Variants in CLOCK observed in about 807,000 individuals in gnomAD.
CLOCK encodes the protein clock circadian regulator.
A neutral mutation model predicts 118.4 loss-of-function variants in CLOCK; 43 were observed. The ratio of observed to expected loss-of-function variants is 0.36; its 90% CI spans 0.28 to 0.47. CLOCK has a LOEUF of 0.47. Among genes scored for constraint, CLOCK ranks in the 20% least tolerant of loss-of-function variants. CLOCK has a pLI of 1.00. For missense variants in CLOCK, 846 were observed against 999.9 expected (o/e 0.85, Z 2.08); for synonymous variants, 326 against 339.2 (o/e 0.96, Z 0.43).
chr4:55,533,811 G>A (rs1730708782), intron 1 of CLOCK, among the ~76,000 whole-genome samples: 1 of 152,160 alleles, frequency 6.6e-6, no homozygotes, highest in African/African-American at 2.4e-5. Flanking sequence ...GCTGAGGCAG[G>A]AGAACAGCTT....
At chr4:55,469,129 AT>A (rs35057645) in intron 8 of CLOCK, among the ~76,000 whole-genome samples, 45,069 of 147,222 alleles carry the variant, frequency 0.31, 7,091 homozygotes, top group East Asian at 0.58. Context: ...CTCTATTTAC[AT>A]TTTTTTTTTT....
intron 7 of CLOCK, among the ~76,000 whole-genome samples, chr4:55,471,666 AT>A (rs1362022903): frequency 6.6e-6 from 1 of 152,216 alleles, no homozygotes; most frequent in East Asian, 1.9e-4. Context: ...ATGTATTTTC[AT>A]TTGAGAATCC....
intron 3 of CLOCK, among the ~76,000 whole-genome samples, chr4:55,485,455 C>T (rs1013094002): frequency 6.6e-6 from 1 of 152,142 alleles, no homozygotes; most frequent in Non-Finnish European, 1.5e-5. Flanking sequence ...TAAGGTGGAA[C>T]AGCCAAAATA....
chr4:55,454,987 T>C (rs1414719354), intron 13 of CLOCK, among the ~76,000 whole-genome samples: 1 of 152,144 alleles, frequency 6.6e-6, no homozygotes, highest in African/African-American at 2.4e-5. Flanking sequence ...TGGTGCTTAA[T>C]GCCCACATCT....
Position 55,456,311 on chromosome 4 carries a change from ATAAT to A in CLOCK, c.793-15_793-12del, listed in dbSNP as rs1724921015. On this transcript the variant is annotated splice_polypyrimidine_tract_variant and intron_variant, in intron 11 of 22. Transcript: ENST00000513440. Reference sequence around the variant, plus strand: ...AACAGTGCACATTTCCTACAAATAAATAATTAAAATTTATAAATACTTTGTGTCC... The same window carrying A: ...AACAGTGCACATTTCCTACAAATAAATAAAATTTATAAATACTTTGTGTCC... 6.8e-7 allele frequency: 1 copy of A among 1,474,220 alleles called. No individual in the cohort carries two copies. The highest frequency in any genetic ancestry group is 2.4e-5 in the East Asian group (1 of 41,098). 91.3% of individuals were successfully genotyped at this position (1,474,220 alleles called of 1,614,324 possible).
intron 8 of CLOCK, among the ~76,000 whole-genome samples, chr4:55,466,540 A>G (rs149075199): frequency 4.6e-5 from 7 of 152,312 alleles, no homozygotes; most frequent in African/African-American, 1.7e-4. Flanking sequence ...TGTTACTAAC[A>G]ATTTCTTCTA....
intron 8 of CLOCK, among the ~76,000 whole-genome samples, chr4:55,464,649 C>T (rs1349344596): frequency 1.3e-5 from 2 of 152,166 alleles, no homozygotes; most frequent in African/African-American, 4.8e-5. Context: ...GGTCCTGCCC[C>T]TGCATTAAAC....
intron 1 of CLOCK, among the ~76,000 whole-genome samples, chr4:55,515,917 G>A (rs922839455): frequency 6.6e-6 from 1 of 152,080 alleles, no homozygotes; most frequent in Non-Finnish European, 1.5e-5. Context: ...ATACATCAGT[G>A]TAGTGTGGCA....
intron 3 of CLOCK, among the ~76,000 whole-genome samples, chr4:55,488,334 A>G (rs892246387): frequency 3.3e-5 from 5 of 152,184 alleles, no homozygotes; most frequent in Non-Finnish European, 7.3e-5. Flanking sequence ...CTACATGCCA[A>G]TGACTCCCAA....
chr4:55,463,928 G>T, intron 8 of CLOCK, 123 bp from the exon 9 acceptor site: 1 of 988,188 alleles, frequency 1.0e-6, no homozygotes, highest in Non-Finnish European at 1.5e-6. Context: ...ACCAACAAAT[G>T]TCAAGTTATA....
At chr4:55,466,693 C>CA (rs1725760099) in intron 8 of CLOCK, among the ~76,000 whole-genome samples, 1 of 152,160 alleles carries the variant, frequency 6.6e-6, no homozygotes, top group Admixed American at 6.5e-5. Context: ...CCTGCCCCAA[C>CA]AATTCTGCCT....
chr4:55,460,598 C>T (rs536896005), intron 9 of CLOCK, among the ~76,000 whole-genome samples: 2 of 152,160 alleles, frequency 1.3e-5, no homozygotes, highest in Non-Finnish European at 2.9e-5. Context: ...TTGCAAATTA[C>T]CTTGCATCTA....
At chr4:55,493,707 G>C (rs572593579) in intron 2 of CLOCK, among the ~76,000 whole-genome samples, 1 of 152,114 alleles carries the variant, frequency 6.6e-6, no homozygotes, top group Non-Finnish European at 1.5e-5. Flanking sequence ...CTCTACAACC[G>C]ATATAAGATA....
Position 55,431,533 on chromosome 4 carries a change from T to G in CLOCK, c.*3882A>C, listed in dbSNP as rs963499408. 1 of 152,122 alleles carries G rather than the reference T, an allele frequency of 6.6e-6. No individual in the cohort carries two copies. Among genetic ancestry groups the G allele is most frequent in the Admixed American group, 6.5e-5 (1 of 15,274 alleles). The allele number at this position is 152,122 out of a possible 1,614,324, so 9.4% of individuals were successfully genotyped here. A position where few individuals can be genotyped will look rare whatever the true frequency, so the allele number is the denominator to read the frequency against. On this transcript the variant is annotated 3_prime_UTR_variant, in exon 23 of 23. Coordinates refer to ENST00000513440, the MANE Select transcript of CLOCK (RefSeq NM_004898.4). ...TGTTTCTTCTCTACCATTCAAAAAT[T>G]CCAATCAGCTTGTCCTGGCTAGAAA...
intron 1 of CLOCK, among the ~76,000 whole-genome samples, chr4:55,517,451 A>C (rs1170903786): frequency 6.6e-6 from 1 of 152,090 alleles, no homozygotes; most frequent in Non-Finnish European, 1.5e-5. Context: ...CAGAGGTTGC[A>C]GTGAGCCGAG....
intron 22 of CLOCK, among the ~76,000 whole-genome samples, chr4:55,437,645 G>A (rs890820962): frequency 6.6e-6 from 1 of 152,106 alleles, no homozygotes; most frequent in Non-Finnish European, 1.5e-5. Flanking sequence ...AATCCATGAG[G>A]TATCAATTAT....
At chr4:55,476,942 C>T (rs951864502) in intron 6 of CLOCK, among the ~76,000 whole-genome samples, 1 of 152,066 alleles carries the variant, frequency 6.6e-6, no homozygotes, top group African/African-American at 2.4e-5. Flanking sequence ...TAGAGAAATA[C>T]AGCATACTGT....
At chr4:55,516,834 T>C (rs1448217880) in intron 1 of CLOCK, among the ~76,000 whole-genome samples, 2 of 152,222 alleles carry the variant, frequency 1.3e-5, no homozygotes, top group Non-Finnish European at 2.9e-5. Flanking sequence ...CTTGGTATAC[T>C]TTTTTGCTTT....
At chr4:55,543,047 G>T (rs1731385564) in intron 1 of CLOCK, among the ~76,000 whole-genome samples, 1 of 152,078 alleles carries the variant, frequency 6.6e-6, no homozygotes, top group Admixed American at 6.6e-5. Flanking sequence ...CCAATTAGCT[G>T]AAACTACGGT....
Sources: allele counts gnomAD v4.1 joint callset (sites outside exome capture counted in the v4.1 genomes callset), GRCh38; gene constraint gnomAD v4.1.1; transcripts MANE v1.5; gene names NCBI Gene and HGNC (gene_info 2026-07-23, HGNC 2026-07-21).